KRT23: variants seen among roughly 807,000 people sequenced by gnomAD.
The protein encoded by KRT23 is keratin, type I cytoskeletal 23.
Under a neutral mutation model 47.6 loss-of-function variants are expected in KRT23, and 38 were observed. That is an observed-to-expected ratio of 0.80 (90% confidence interval 0.62 to 1.05). The LOEUF (loss-of-function observed/expected upper bound fraction) is 1.05. Ranked by LOEUF, KRT23 falls within the 50% of genes least tolerant of loss-of-function variation. The pLI is 0.00. For missense variants in KRT23, 503 were observed against 529.5 expected, an observed-to-expected ratio of 0.95 and a Z score of 0.49; for synonymous variants, 191 against 199.0, an observed-to-expected ratio of 0.96 and a Z score of 0.34.
chr17:40,924,759 T>C (rs534513356), intron 7 of KRT23, among the ~76,000 whole-genome samples: 39 of 152,276 alleles, frequency 2.6e-4, no homozygotes, highest in African/African-American at 9.1e-4. Context: ...AGCTGCAAGC[T>C]TGGTTTTCTC....
chr17:40,930,989 G>A (rs1291374171), intron 3 of KRT23, among the ~76,000 whole-genome samples: 3 of 150,096 alleles, frequency 2.0e-5, no homozygotes, highest in Non-Finnish European at 3.0e-5. Context: ...TTTTAGATGC[G>A]GGTAATGGCA....
chr17:40,936,666 G>T lies in KRT23; in HGVS notation c.-63C>A. 6.9e-7 allele frequency: 1 copy of T among 1,450,744 alleles called. No homozygotes were observed. Among genetic ancestry groups the T allele is most frequent in the Non-Finnish European group, 9.1e-7 (1 of 1,098,226 alleles). The allele number at this position is 1,450,744 out of a possible 1,614,324, so 89.9% of individuals were successfully genotyped here. A position where few individuals can be genotyped will look rare whatever the true frequency, so the allele number is the denominator to read the frequency against. On this transcript the variant is annotated 5_prime_UTR_variant, in exon 2 of 9. Transcript: ENST00000209718. ...CCACTCCCTGGCACCGCAGAACTGA[G>T]CCGCCCCAGACTGCCCTGGATGGTT...
rs1279069983 is a variant in KRT23, at chr17:40,928,091, A to G, written c.921+147T>C. The stretch of plus-strand genomic sequence containing the variant: ...ACTCAATACATGGTAGCCCTTTATT[A>G]TGGTTCTCATCATAAACAATTTGGA... On this transcript the variant is annotated intron_variant, in intron 6 of 8. Transcript: ENST00000209718. 1.1e-5 allele frequency: 11 copies of G among 979,938 alleles called. No individual in the cohort carries two copies. The Admixed American group carries it at 2.2e-4, about 19-fold the overall frequency. 60.7% of individuals were successfully genotyped at this position (979,938 alleles called of 1,614,324 possible). A position where few individuals can be genotyped will look rare whatever the true frequency, so the allele number is the denominator to read the frequency against.
chr17:40,928,446 C>T lies in KRT23; in HGVS notation c.798G>A (p.Gln266=), dbSNP rs1475177836. ...HRDLDTWYKE[Q]SAAMSQEAAS... is the part of the protein sequence containing the mutation. ...GGAAGTTTGTGCATCTTTCTTTTAC[C>T]TGTTCTTTATACCAAGTGTCCAAGT... Residue 266 remains glutamine (Q), a splice_region_variant and synonymous_variant, in exon 5 of 9, where the codon CAG becomes CAA. Coordinates refer to ENST00000209718, the MANE Select transcript of KRT23 (RefSeq NM_015515.5). The T allele has an allele frequency of 6.2e-7, 1 of 1,613,992 alleles. No individual in the cohort carries two copies.
chr17:40,930,847 TATC>T (rs1909613926), intron 3 of KRT23, among the ~76,000 whole-genome samples: 1 of 152,114 alleles, frequency 6.6e-6, no homozygotes, highest in South Asian at 2.1e-4. Context: ...AACCCTTTAA[TATC>T]ATCTAATTCT....
intron 7 of KRT23, 118 bp downstream of exon 7, chr17:40,925,236 C>G: frequency 1.2e-6 from 1 of 822,574 alleles, no homozygotes; most frequent in Non-Finnish European, 2.1e-6. Context: ...TGGAGTAGCT[C>G]AACACAACTT....
chr17:40,935,263 C>A (rs981948427), intron 2 of KRT23, among the ~76,000 whole-genome samples: 1 of 152,038 alleles, frequency 6.6e-6, no homozygotes, highest in Non-Finnish European at 1.5e-5. Flanking sequence ...GCAAGGATGA[C>A]TGAGCATTGT....
rs767835571 is a variant in KRT23 at position 40,930,051 on chromosome 17, G to A, written c.525C>T (p.Val175=). The A allele has an allele frequency of 2.4e-5, 39 of 1,613,852 alleles. No individual in the cohort carries two copies. Among genetic ancestry groups the A allele is most frequent in the African/African-American group, 4.0e-5 (3 of 74,890 alleles). The change falls in exon 4 of 9, where the codon GTC becomes GTT. Residue 175 remains valine (V), a synonymous_variant. Coordinates refer to ENST00000209718, the MANE Select transcript of KRT23 (RefSeq NM_015515.5). ...HSFKKDLEIE[V]EGLRRTLDNL... ...TGTCTAAGGTCCTTCGGAGGCCCTCGACTTCAATTTCCAAGTCTTTCTTAA... is the reference window on the plus strand; with the variant it reads ...TGTCTAAGGTCCTTCGGAGGCCCTCAACTTCAATTTCCAAGTCTTTCTTAA...
At chr17:40,935,041 AT>A (rs1176020059) in intron 2 of KRT23, among the ~76,000 whole-genome samples, 8 of 150,884 alleles carry the variant, frequency 5.3e-5, no homozygotes, top group Non-Finnish European at 1.2e-4. Flanking sequence ...AAAATCTTCA[AT>A]TCCTCCTTTC....
At chr17:40,923,717 C>A (rs1209671998) in intron 8 of KRT23, among the ~76,000 whole-genome samples, 1 of 152,162 alleles carries the variant, frequency 6.6e-6, no homozygotes, top group Non-Finnish European at 1.5e-5. Context: ...GTCTCAAAGA[C>A]CCTTGTCTTA....
chr17:40,932,766 CT>C (rs1414161824), intron 2 of KRT23, among the ~76,000 whole-genome samples: 4 of 152,140 alleles, frequency 2.6e-5, no homozygotes, highest in Non-Finnish European at 5.9e-5. Flanking sequence ...TTTTAAAAGT[CT>C]GGTCCTATTT....
chr17:40,925,309 C>A (rs756392548), intron 7 of KRT23, 45 bp downstream of exon 7: 8 of 1,522,758 alleles, frequency 5.3e-6, no homozygotes, highest in Non-Finnish European at 7.3e-6. Flanking sequence ...CCCACAGGAG[C>A]TGGAGGTCCC....
rs575665618 is a variant in KRT23, at chr17:40,925,381, C to T, written c.1115G>A (p.Arg372Gln). Residue 372 changes from arginine (R) to glutamine (Q), a missense_variant, in exon 7 of 9, where the codon CGA (arginine) becomes CAA (glutamine). Transcript: ENST00000209718. ...TTCACTCTCTCCCTCCAGGAGCCGT[C>T]GGTACGTGGTGATTTCCTTCTCCAG... ...THLEKEITTY[R>Q]RLLEGESEGT... is the part of the protein sequence containing the mutation. 56 of 1,613,616 alleles carry T rather than the reference C, an allele frequency of 3.5e-5. No individual in the cohort carries two copies. In the Middle Eastern group the frequency reaches 7.0e-4, roughly 20 times the overall value.
rs529742718 is a variant in KRT23, at chr17:40,926,587, CTG to C, written c.922-1015_922-1014del. Among the ~76,000 whole-genome samples the C allele has an allele frequency of 9.4e-4, 143 of 152,356 alleles. 1 individual carries two copies. The highest frequency in any genetic ancestry group is 3.3e-3 in the African/African-American group (137 of 41,568). On this transcript the variant is annotated intron_variant, in intron 6 of 8. Coordinates refer to ENST00000209718, the MANE Select transcript of KRT23 (RefSeq NM_015515.5). ...CCCTCTGTTCTTTTGTGTGAGCTGT[CTG>C]TGCTCCAGTCATCTCGGCAGTTGCC...
intron 8 of KRT23, among the ~76,000 whole-genome samples, 179 bp from the exon 9 acceptor site, chr17:40,923,262 C>T (rs1480178825): frequency 6.6e-6 from 1 of 152,208 alleles, no homozygotes; most frequent in Non-Finnish European, 1.5e-5. Flanking sequence ...GGATTTTCTC[C>T]CACTCTCCAG....
At chr17:40,925,046 C>G in intron 7 of KRT23, 1 of 375,852 alleles carries the variant, frequency 2.7e-6, no homozygotes. Flanking sequence ...CCCCTGCCTT[C>G]TTTTTTTTGG....
At chr17:40,926,337 G>C (rs1454007800) in intron 6 of KRT23, among the ~76,000 whole-genome samples, 1 of 152,146 alleles carries the variant, frequency 6.6e-6, no homozygotes. Flanking sequence ...TCAGGGGGCC[G>C]TTCATGCTGC....
Position 40,936,953 on chromosome 17 carries a change from C to T in KRT23, c.-350G>A, listed in dbSNP as rs974600838. ...GTGAAGTTTTTCCATTGTTCATTTA[C>T]CTGGAATGGGTTAGGTTAAAGTCCA... On this transcript the variant is annotated splice_region_variant and 5_prime_UTR_variant, in exon 2 of 9. Transcript: ENST00000209718. 1.6e-4 allele frequency: 43 copies of T among 264,580 alleles called. No individual in the cohort carries two copies. The highest frequency in any genetic ancestry group is 2.4e-4 in the Non-Finnish European group (34 of 141,556). The allele number at this position is 264,580 out of a possible 1,614,324, so 16.4% of individuals were successfully genotyped here.
rs1910077575 is a variant in KRT23, at chr17:40,936,444, G to T, written c.160C>A (p.Pro54Thr). 1 of 1,609,990 alleles carries T rather than the reference G, an allele frequency of 6.2e-7. No individual in the cohort carries two copies. Among genetic ancestry groups the T allele is most frequent in the Non-Finnish European group, 8.5e-7 (1 of 1,177,404 alleles). Residue 54 changes from proline (P) to threonine (T), a missense_variant, in exon 2 of 9, where the codon CCC becomes ACC. Transcript: ENST00000209718. ...SLSFTTRSCP[P>T]PGGSWGSGRS... is the part of the protein sequence containing the mutation. ...CCAGAACCCCAAGACCCTCCAGGGGGTGGGCAGCTCCGCGTGGTGAAGGAC... is the reference window on the plus strand; with the variant it reads ...CCAGAACCCCAAGACCCTCCAGGGGTTGGGCAGCTCCGCGTGGTGAAGGAC...
Sources: gnomAD v4.1 joint callset for allele counts (sites outside exome capture counted in the v4.1 genomes callset) on GRCh38, gnomAD v4.1.1 for gene constraint, MANE v1.5 for transcripts, NCBI Gene and HGNC (gene_info 2026-07-23, HGNC 2026-07-21) for gene names.